The following ANGPT2 variants were observed in gnomAD, a reference collection of about 807,000 sequenced individuals.
The protein encoded by ANGPT2 is angiopoietin 2.
A neutral mutation model predicts 62.9 loss-of-function variants in ANGPT2; 28 were observed. The ratio of observed to expected loss-of-function variants is 0.44; its 90% confidence interval spans 0.33 to 0.61. The LOEUF (loss-of-function observed/expected upper bound fraction) is 0.61, where lower values mean the gene tolerates loss of function less well. Ranked by LOEUF, ANGPT2 falls within the 20% of genes least tolerant of loss-of-function variation. ANGPT2 has a pLI of 0.03. For synonymous variants in ANGPT2, 284 were observed against 207.8 expected (o/e 1.37, Z -3.15); for missense variants, 727 against 594.9 (o/e 1.22, Z -2.31).
In ANGPT2 at chr8:6,500,128, A is replaced by G; in HGVS notation, c.*2973T>C. The G allele has an allele frequency of 1.7e-6, 1 of 583,786 alleles. No individual in the cohort carries two copies. The highest frequency in any genetic ancestry group is 3.1e-6 in the Non-Finnish European group (1 of 324,998). The allele number at this position is 583,786 out of a possible 1,614,324, so 36.2% of individuals were successfully genotyped here. A position where few individuals can be genotyped will look rare whatever the true frequency, so the allele number is the denominator to read the frequency against. ...GAGAACGTGAGACCATTGTGCAAAA[A>G]GTAGTGAGGAATGCAGTCCAAAGAA... On this transcript the variant is annotated 3_prime_UTR_variant, in exon 9 of 9. Coordinates refer to ENST00000629816, the MANE Select transcript of ANGPT2 (RefSeq NM_001118887.2).
In ANGPT2 at chr8:6,556,113, G is replaced by A. The variant is rs148654871; in HGVS notation, c.288+6534C>T. ...GAATTGCTGCCAAGACTAACCAAGGGTGTCAACCAGTGACTTAACTTCTCA... is the reference window on the plus strand; with the variant it reads ...GAATTGCTGCCAAGACTAACCAAGGATGTCAACCAGTGACTTAACTTCTCA... On this transcript the variant is annotated intron_variant, in intron 1 of 8. Transcript: ENST00000629816. Among the ~76,000 whole-genome samples the A allele has an allele frequency of 3.4e-3, 511 of 152,190 alleles. 3 individuals are homozygous for A. Among genetic ancestry groups the A allele is most frequent in the South Asian group, 0.013 (64 of 4,796 alleles).
At chr8:6,504,313 A>G (rs1367688128) in intron 8 of ANGPT2, among the ~76,000 whole-genome samples, 11 of 78,352 alleles carry the variant, frequency 1.4e-4, no homozygotes, top group Non-Finnish European at 1.9e-4. Context: ...GTGAGACTCC[A>G]GCTCAAAAAA....
Position 6,563,082 on chromosome 8 carries a change from G to A in ANGPT2, c.-148C>T. On this transcript the variant is annotated 5_prime_UTR_variant, in exon 1 of 9. Transcript: ENST00000629816. ...AAGTCTTCTCTTTCCTCTTTTTCCA[G>A]TAGCAAACCTGGTTTTTACTGCTGT... 14 of 840,888 alleles carry A rather than the reference G, an allele frequency of 1.7e-5. No individual in the cohort carries two copies. In the South Asian group the frequency reaches 2.3e-4, roughly 14 times the overall value. 52.1% of individuals were successfully genotyped at this position (840,888 alleles called of 1,614,324 possible).
At chr8:6,560,936 T>C (rs994954232) in intron 1 of ANGPT2, among the ~76,000 whole-genome samples, 3 of 152,248 alleles carry the variant, frequency 2.0e-5, no homozygotes, top group African/African-American at 7.2e-5. Context: ...TTCGAGGAGA[T>C]GACCTGCCTG....
chr8:6,519,443 T>C (rs1455037625), intron 5 of ANGPT2, among the ~76,000 whole-genome samples: 1 of 152,040 alleles, frequency 6.6e-6, no homozygotes, highest in African/African-American at 2.4e-5. Flanking sequence ...CACTGAAAAA[T>C]GACTTTGACA....
intron 1 of ANGPT2, among the ~76,000 whole-genome samples, chr8:6,556,098 C>T (rs987660225): frequency 2.6e-5 from 4 of 152,084 alleles, no homozygotes; most frequent in Non-Finnish European, 5.9e-5. Flanking sequence ...GAATTGCTGC[C>T]AAGACTAACC....
At chr8:6,515,163 A>G (rs1816012986) in intron 5 of ANGPT2, among the ~76,000 whole-genome samples, 1 of 152,008 alleles carries the variant, frequency 6.6e-6, no homozygotes, top group African/African-American at 2.4e-5. Flanking sequence ...TCCTGTAGAA[A>G]ACCATTGACT....
At chr8:6,537,531 A>G (rs1156927074) in intron 1 of ANGPT2, among the ~76,000 whole-genome samples, 8 of 144,908 alleles carry the variant, frequency 5.5e-5, no homozygotes, top group African/African-American at 2.0e-4. Context: ...CCAGGATGAA[A>G]TATTTTAATG....
intron 2 of ANGPT2, among the ~76,000 whole-genome samples, chr8:6,529,745 C>T (rs374967048): frequency 6.7e-6 from 1 of 150,138 alleles, no homozygotes; most frequent in Non-Finnish European, 1.5e-5. Context: ...GATTATAGAT[C>T]TGAGCAAGCG....
intron 1 of ANGPT2, among the ~76,000 whole-genome samples, chr8:6,552,694 C>A (rs1285388812): frequency 6.6e-6 from 1 of 152,168 alleles, no homozygotes; most frequent in South Asian, 2.1e-4. Flanking sequence ...CACATAATAA[C>A]CCTACAAGTT....
chr8:6,509,452 A>G (rs1249963532), intron 7 of ANGPT2, among the ~76,000 whole-genome samples: 6 of 152,258 alleles, frequency 3.9e-5, no homozygotes, highest in Non-Finnish European at 8.8e-5. Flanking sequence ...AACCTCAAAC[A>G]TTATTTTCCG....
chr8:6,551,072 G>A (rs1823562617), intron 1 of ANGPT2, among the ~76,000 whole-genome samples: 1 of 152,210 alleles, frequency 6.6e-6, no homozygotes. Flanking sequence ...AGTGTGCTAG[G>A]TAAGGGATTT....
intron 8 of ANGPT2, among the ~76,000 whole-genome samples, chr8:6,504,983 T>C (rs1319584138): frequency 6.6e-6 from 1 of 151,666 alleles, no homozygotes; most frequent in African/African-American, 2.4e-5. Flanking sequence ...GAGGAACACA[T>C]ACAGTATGAT....
At chr8:6,525,301 C>A (rs1487296486) in intron 3 of ANGPT2, among the ~76,000 whole-genome samples, 5 of 152,140 alleles carry the variant, frequency 3.3e-5, no homozygotes, top group African/African-American at 1.2e-4. Context: ...GTCTTTGTTG[C>A]CCAGGTTGGT....
At chr8:6,538,228 G>T (rs188305170) in intron 1 of ANGPT2, among the ~76,000 whole-genome samples, 2 of 152,080 alleles carry the variant, frequency 1.3e-5, no homozygotes, top group East Asian at 1.9e-4. Context: ...ACATTTTACT[G>T]TTGCCCACTT....
At chr8:6,531,903 T>C (rs1984859) in intron 2 of ANGPT2, among the ~76,000 whole-genome samples, 58,506 of 152,054 alleles carry the variant, frequency 0.38, 11,531 homozygotes, top group African/African-American at 0.41. Context: ...ATTCAGGTTT[T>C]ATCTTAACTC....
At chr8:6,527,882 C>CT (rs1465352391) in intron 2 of ANGPT2, among the ~76,000 whole-genome samples, 1 of 146,982 alleles carries the variant, frequency 6.8e-6, no homozygotes, top group South Asian at 2.2e-4. Flanking sequence ...CCTTTTTACT[C>CT]TTTTCCCCAC....
chr8:6,510,599 G>T (rs1814856929), intron 7 of ANGPT2, among the ~76,000 whole-genome samples: 1 of 152,150 alleles, frequency 6.6e-6, no homozygotes. Flanking sequence ...TCTTTGTTTT[G>T]GCACTGAAAG....
chr8:6,509,812 A>C (rs533778379), intron 7 of ANGPT2, among the ~76,000 whole-genome samples: 1 of 152,320 alleles, frequency 6.6e-6, no homozygotes, highest in African/African-American at 2.4e-5. Flanking sequence ...GAACACTCAC[A>C]TTAGCCCACA....
Sources: gnomAD v4.1 joint callset for allele counts (sites outside exome capture counted in the v4.1 genomes callset) on GRCh38, gnomAD v4.1.1 for gene constraint, MANE v1.5 for transcripts, NCBI Gene and HGNC (gene_info 2026-07-23, HGNC 2026-07-21) for gene names.